Variants in ZNF675 observed in about 807,000 individuals in gnomAD.
The protein encoded by ZNF675 is TRAF6 inhibitory zinc finger.
A neutral mutation model predicts 56.1 loss-of-function variants in ZNF675; 36 were observed. The ratio of observed to expected loss-of-function variants is 0.64; its 90% confidence interval spans 0.49 to 0.85. The LOEUF is 0.85. Ranked by LOEUF, ZNF675 falls within the 40% of genes least tolerant of loss-of-function variation. The pLI, the probability that ZNF675 is intolerant of heterozygous loss-of-function variation, is 0.00. For synonymous variants in ZNF675, 200 were observed against 218.9 expected, an observed-to-expected ratio of 0.91 and a Z score of 0.76; for missense variants, 663 against 654.2, an observed-to-expected ratio of 1.01 and a Z score of -0.15.
chr19:23,655,898 G>A (rs1967976682), intron 3 of ZNF675: 1 of 152,278 alleles, frequency 6.6e-6, no homozygotes. Context: ...TTTGACACCA[G>A]CCTGGGCAAC....
At chr19:23,664,247 G>A (rs1307268650) in intron 1 of ZNF675, among the ~76,000 whole-genome samples, 5 of 151,902 alleles carry the variant, frequency 3.3e-5, no homozygotes, top group East Asian at 1.9e-4. Flanking sequence ...TTTCACATGC[G>A]ATTCTCTGGA....
intron 3 of ZNF675, chr19:23,654,959 G>A (rs1266078130): frequency 2.3e-5 from 7 of 299,866 alleles, no homozygotes; most frequent in Non-Finnish European, 4.3e-5. Context: ...ATTACAGCCA[G>A]GTGCAGTGAC....
chr19:23,670,522 C>T (rs8105427), intron 1 of ZNF675, among the ~76,000 whole-genome samples: 131,756 of 152,020 alleles, frequency 0.87, 57,578 homozygotes, highest in Non-Finnish European at 0.92. Flanking sequence ...GGGTGAGTAG[C>T]GACCATCCTT....
chr19:23,658,855 A>ATC (rs1163127639), intron 3 of ZNF675, among the ~76,000 whole-genome samples: 3 of 4,368 alleles, frequency 6.9e-4, no homozygotes, highest in African/African-American at 9.8e-4. Flanking sequence ...ATCTATATAG[A>ATC]TATAGAAATA....
chr19:23,658,904 TATAGATAG>T (rs10534461), intron 3 of ZNF675, among the ~76,000 whole-genome samples: 7 of 117,466 alleles, frequency 6.0e-5, no homozygotes, highest in East Asian at 3.0e-4. Context: ...TATAGATATC[TATAGATAG>T]ATATAGATCT....
chr19:23,662,351 A>G (rs2144928412), intron 2 of ZNF675, 142 bp from the exon 3 acceptor site: 1 of 548,942 alleles, frequency 1.8e-6, no homozygotes, highest in South Asian at 2.7e-5. Flanking sequence ...AAATTTTTAA[A>G]TACTTAGAAA....
chr19:23,663,596 G>GC (rs1490741074), intron 1 of ZNF675, among the ~76,000 whole-genome samples: 3 of 152,174 alleles, frequency 2.0e-5, no homozygotes, highest in Non-Finnish European at 4.4e-5. Flanking sequence ...GGAGGCTGAG[G>GC]CAGGAGAATC....
rs773925902 is a variant in ZNF675, at chr19:23,667,893, CCTT to C, written c.4-4738_4-4736del. 1.1e-4 allele frequency among the ~76,000 whole-genome samples: 15 copies of C among 141,978 alleles called. No homozygotes were observed. The East Asian group carries it at 2.9e-3, about 28-fold the overall frequency. The allele number at this position is 141,978 out of a possible 152,430, so 93.1% of individuals were successfully genotyped here. On this transcript the variant is annotated intron_variant, in intron 1 of 3. Coordinates refer to ENST00000359788, the MANE Select transcript of ZNF675 (RefSeq NM_138330.3). ...GGGTGCTGATTGGTGTGTTTACAAA[CCTT>C]GAGCTAGATACAGAGTGCCGACTGG...
chr19:23,671,264 A>G (rs1968223362), intron 1 of ZNF675, among the ~76,000 whole-genome samples: 1 of 152,216 alleles, frequency 6.6e-6, no homozygotes, highest in Admixed American at 6.5e-5. Flanking sequence ...CAGACTAACC[A>G]AAACCAGCTT....
At chr19:23,663,630 G>A (rs942667788) in intron 1 of ZNF675, among the ~76,000 whole-genome samples, 1 of 152,162 alleles carries the variant, frequency 6.6e-6, no homozygotes, top group Non-Finnish European at 1.5e-5. Context: ...GAACCTGGGA[G>A]GTGGAGGCTG....
At chr19:23,660,239 G>A (rs1361470932) in intron 3 of ZNF675, among the ~76,000 whole-genome samples, 4 of 152,112 alleles carry the variant, frequency 2.6e-5, no homozygotes, top group East Asian at 1.9e-4. Flanking sequence ...CACCCTGAGC[G>A]TCCAACAAAA....
intron 1 of ZNF675, among the ~76,000 whole-genome samples, chr19:23,663,659 G>C (rs548961987): frequency 1.3e-5 from 2 of 152,210 alleles, no homozygotes; most frequent in African/African-American, 4.8e-5. Context: ...GGAGATTGCA[G>C]TGAGCTGAGA....
chr19:23,672,701 A>T (rs1968242355), intron 1 of ZNF675, among the ~76,000 whole-genome samples: 1 of 152,218 alleles, frequency 6.6e-6, no homozygotes, highest in Non-Finnish European at 1.5e-5. Context: ...AGCTCATTCT[A>T]AATGATATTT....
rs538393783 is a variant in ZNF675, at chr19:23,684,155, G to A, written c.3+2876C>T. Reference sequence around the variant, plus strand: ...CGGGCACCTGTAATCCCAGCTACTCGGGAGGCTGAGGCAGGAGAATGGCTT... The same window carrying A: ...CGGGCACCTGTAATCCCAGCTACTCAGGAGGCTGAGGCAGGAGAATGGCTT... On this transcript the variant is annotated intron_variant, in intron 1 of 3. Transcript: ENST00000359788. Among the ~76,000 whole-genome samples the A allele has an allele frequency of 2.6e-5, 4 of 151,144 alleles. No homozygotes were observed. In the South Asian group the frequency reaches 6.3e-4, roughly 24 times the overall value.
chr19:23,661,659 C>T (rs1242868130), intron 3 of ZNF675, among the ~76,000 whole-genome samples: 1 of 151,944 alleles, frequency 6.6e-6, no homozygotes, highest in Non-Finnish European at 1.5e-5. Flanking sequence ...CACTGCACCC[C>T]AGCCTGGGCT....
intron 1 of ZNF675, among the ~76,000 whole-genome samples, chr19:23,683,569 G>A (rs972508510): frequency 3.9e-5 from 6 of 152,018 alleles, no homozygotes; most frequent in African/African-American, 9.7e-5. Flanking sequence ...CTACAGGCAC[G>A]TGCCACCATG....
At chr19:23,657,772 T>C (rs1213016668) in intron 3 of ZNF675, among the ~76,000 whole-genome samples, 1 of 151,708 alleles carries the variant, frequency 6.6e-6, no homozygotes, top group African/African-American at 2.4e-5. Context: ...GATAAAACAA[T>C]CATTGAAAAT....
In ZNF675 at chr19:23,653,870, G is replaced by T. The variant is rs768327543; in HGVS notation, c.1063C>A (p.Leu355Ile). 1.2e-6 allele frequency: 2 copies of T among 1,613,824 alleles called. No homozygotes were observed. The highest frequency in any genetic ancestry group is 8.5e-7 in the Non-Finnish European group (1 of 1,179,872). Residue 355 changes from leucine to isoleucine, a missense_variant, in exon 4 of 4, where the codon CTT becomes ATT. Physicochemically the swap from Leu to Ile is conservative, Grantham distance 5. Transcript: ENST00000359788. ...CGKAFNRSSK[L>I]TEHKNIHTGE... ...GTATGAATGTTTTTATGTTCAGTAA[G>T]TTTTGAGGATCGGTTAAAAGCTTTT...
chr19:23,670,947 C>G lies in ZNF675; in HGVS notation c.4-7789G>C, dbSNP rs374335288. The stretch of plus-strand genomic sequence containing the variant: ...CACTCAGGACCAGAAACAGTTCCCA[C>G]TACTGATCCTCATTGAAACTACAAC... On this transcript the variant is annotated intron_variant, in intron 1 of 3. Transcript: ENST00000359788. 7.9e-5 allele frequency among the ~76,000 whole-genome samples: 12 copies of G among 152,216 alleles called. 1 individual carries two copies. In the East Asian group the frequency reaches 1.6e-3, roughly 20 times the overall value.
Sources: gnomAD v4.1 joint callset for allele counts (sites outside exome capture counted in the v4.1 genomes callset) on GRCh38, gnomAD v4.1.1 for gene constraint, MANE v1.5 for transcripts, NCBI Gene and HGNC (gene_info 2026-07-23, HGNC 2026-07-21) for gene names.